ARHGEF18: variants seen among roughly 807,000 people sequenced by gnomAD.
ARHGEF18 encodes rho guanine nucleotide exchange factor 18.
A neutral mutation model predicts 155.7 loss-of-function variants in ARHGEF18; 93 were observed. The observed-to-expected ratio is 0.60, with a 90% confidence interval of 0.50 to 0.71. The LOEUF (loss-of-function observed/expected upper bound fraction) is 0.71, where lower values mean the gene tolerates loss of function less well. ARHGEF18 is among the 30% of genes least tolerant of loss of function. The pLI is 0.00. For synonymous variants in ARHGEF18, 742 were observed against 753.1 expected (o/e 0.99, Z 0.24); for missense variants, 1,593 against 1,816.1 (o/e 0.88, Z 2.23).
chr19:7,356,630 T>C (rs1472925487), intron 1 of ARHGEF18, among the ~76,000 whole-genome samples: 4 of 152,164 alleles, frequency 2.6e-5, no homozygotes, highest in Admixed American at 2.0e-4. Context: ...AACCAGATGA[T>C]GTCCTGGTAC....
In ARHGEF18 at chr19:7,444,753, C is replaced by G. The variant is rs1974884981; in HGVS notation, c.1611+299C>G. 6.6e-6 allele frequency among the ~76,000 whole-genome samples: 1 copy of G among 152,176 alleles called. No individual in the cohort carries two copies. Among genetic ancestry groups the G allele is most frequent in the Admixed American group, 6.5e-5 (1 of 15,282 alleles). ...TGAACTCCTGAGCTCAAGTGATCCT[C>G]CTGCCTCAGCCTTCCACGTAGCTGG... is the stretch of plus-strand genomic sequence containing the variant. On this transcript the variant is annotated intron_variant, in intron 14 of 28. Coordinates refer to ENST00000668164, the MANE Select transcript of ARHGEF18 (RefSeq NM_001367823.1). The surrounding 1 kb of genome is among the most constrained non-coding windows in gnomAD (Gnocchi z 4.7).
intron 10 of ARHGEF18, among the ~76,000 whole-genome samples, chr19:7,417,788 C>G (rs114935070): frequency 1.3e-5 from 2 of 151,816 alleles, no homozygotes; most frequent in African/African-American, 2.4e-5. Flanking sequence ...TGGAGGAGGC[C>G]GGGGTGGGTG....
At chr19:7,469,266 C>A in intron 27 of ARHGEF18, 135 bp downstream of exon 27, 5 of 1,179,366 alleles carry the variant, frequency 4.2e-6, no homozygotes, top group Non-Finnish European at 5.8e-6. Flanking sequence ...CAGCTGGCAT[C>A]GTGGCTGAGG....
chr19:7,432,833 A>G (rs1974038919), intron 10 of ARHGEF18, among the ~76,000 whole-genome samples: 1 of 152,154 alleles, frequency 6.6e-6, no homozygotes, highest in African/African-American at 2.4e-5. Context: ...TTTATAAAGG[A>G]CAGTTTGAAA....
chr19:7,353,635 T>A (rs748486164), intron 1 of ARHGEF18, among the ~76,000 whole-genome samples: 3 of 149,102 alleles, frequency 2.0e-5, no homozygotes, highest in African/African-American at 7.4e-5. Flanking sequence ...GAAAAAGAAA[T>A]AGATATCCCT....
chr19:7,450,623 C>T (rs909057780), intron 15 of ARHGEF18, among the ~76,000 whole-genome samples: 22 of 102 alleles, frequency 0.22, no homozygotes, highest in African/African-American at 0.38. Context: ...TCTTGCTTTC[C>T]ATTTCCATTT....
At chr19:7,350,402 G>T (rs1969125690) in intron 1 of ARHGEF18, among the ~76,000 whole-genome samples, 1 of 152,144 alleles carries the variant, frequency 6.6e-6, no homozygotes, top group Admixed American at 6.5e-5. Context: ...GTCAGGAAAG[G>T]GTTGCCCTCA....
At chr19:7,432,429 A>G (rs1338053868) in intron 10 of ARHGEF18, among the ~76,000 whole-genome samples, 1 of 152,194 alleles carries the variant, frequency 6.6e-6, no homozygotes, top group Admixed American at 6.6e-5. Flanking sequence ...TTCTGAGACC[A>G]GGCCTTGAAA....
downstream of ARHGEF18, among the ~76,000 whole-genome samples, chr19:7,475,148 C>G (rs1977197959): frequency 6.6e-6 from 1 of 152,276 alleles, no homozygotes; most frequent in African/African-American, 2.4e-5. Context: ...CAGAGAATTG[C>G]TTGAACCCAG....
chr19:7,402,235 A>G (rs1269800416), intron 10 of ARHGEF18, among the ~76,000 whole-genome samples: 1 of 152,134 alleles, frequency 6.6e-6, no homozygotes, highest in African/African-American at 2.4e-5. Flanking sequence ...CCTGGCCAAC[A>G]TGGTGAAGCC....
chr19:7,381,701 ATAAAT>A (rs914328913), intron 8 of ARHGEF18, among the ~76,000 whole-genome samples: 1 of 149,566 alleles, frequency 6.7e-6, no homozygotes, highest in Non-Finnish European at 1.5e-5. Context: ...TAATAAATAA[ATAAAT>A]AAATAAATAA....
chr19:7,374,057 G>C (rs1970327969), intron 3 of ARHGEF18, among the ~76,000 whole-genome samples: 1 of 151,962 alleles, frequency 6.6e-6, no homozygotes. Context: ...ACCATGCCGG[G>C]CCCCTGCTCC....
At chr19:7,377,610 C>T (rs369404967) in intron 5 of ARHGEF18, among the ~76,000 whole-genome samples, 1 of 151,812 alleles carries the variant, frequency 6.6e-6, no homozygotes, top group South Asian at 2.1e-4. Context: ...ATGGCGAAAC[C>T]TTGTCTCTAC....
intron 13 of ARHGEF18, among the ~76,000 whole-genome samples, chr19:7,442,886 C>T (rs981563365): frequency 1.3e-5 from 2 of 151,942 alleles, no homozygotes; most frequent in African/African-American, 4.8e-5. Flanking sequence ...TGGTCTTTCT[C>T]AGGTCCTCTT....
At chr19:7,399,621 C>T (rs1206454952) in intron 10 of ARHGEF18, among the ~76,000 whole-genome samples, 4 of 151,928 alleles carry the variant, frequency 2.6e-5, no homozygotes, top group Admixed American at 2.0e-4. Flanking sequence ...GCTGGGACTA[C>T]AGGTGCCTGC....
Position 7,472,406 on chromosome 19 carries a change from C to T in ARHGEF18, c.*2108C>T, listed in dbSNP as rs1484705635. ...TATTTTTACAATGATTACAACATTT[C>T]CTCACTGCGGGATATTTCTGACCCG... is the stretch of plus-strand genomic sequence containing the variant. On this transcript the variant is annotated 3_prime_UTR_variant, in exon 29 of 29. Coordinates refer to ENST00000668164, the MANE Select transcript of ARHGEF18 (RefSeq NM_001367823.1). 6.5e-6 allele frequency: 1 copy of T among 154,836 alleles called. No homozygotes were observed. Among genetic ancestry groups the T allele is most frequent in the Non-Finnish European group, 1.4e-5 (1 of 69,404 alleles). 9.6% of individuals were successfully genotyped at this position (154,836 alleles called of 1,614,324 possible). A position where few individuals can be genotyped will look rare whatever the true frequency, so the allele number is the denominator to read the frequency against.
downstream of ARHGEF18, chr19:7,477,317 A>T (rs775834531): frequency 1.9e-6 from 3 of 1,561,316 alleles, no homozygotes; most frequent in East Asian, 4.8e-5. Flanking sequence ...GCCGGCCCAC[A>T]GCACGCCCCG....
chr19:7,421,561 G>T (rs932917112), intron 10 of ARHGEF18, among the ~76,000 whole-genome samples: 10 of 152,264 alleles, frequency 6.6e-5, no homozygotes, highest in South Asian at 2.1e-4. Flanking sequence ...AGGAGTTCAA[G>T]ACCAGGCTGG....
At chr19:7,379,227 G>A in intron 7 of ARHGEF18, 61 bp downstream of exon 7, 2 of 1,216,256 alleles carry the variant, frequency 1.6e-6, no homozygotes, top group Non-Finnish European at 2.1e-6. Context: ...CAGGAAGCAT[G>A]CAGGGGTGTG....
Sources: allele counts gnomAD v4.1 joint callset (sites outside exome capture counted in the v4.1 genomes callset), GRCh38; gene constraint gnomAD v4.1.1; non-coding constraint Gnocchi (gnomAD v3.1); transcripts MANE v1.5; gene names NCBI Gene and HGNC (gene_info 2026-07-23, HGNC 2026-07-21).